The following SDS variants were observed in gnomAD, a reference collection of about 807,000 sequenced individuals.
SDS encodes serine dehydratase.
SDS carries 19 observed loss-of-function variants against 29.3 expected under a neutral mutation model. That is an observed-to-expected ratio of 0.65 (90% CI 0.45 to 0.95). The LOEUF (loss-of-function observed/expected upper bound fraction) is 0.95. SDS is among the 40% of genes least tolerant of loss of function. The pLI is 0.00. For missense variants in SDS, 375 were observed against 439.9 expected, an observed-to-expected ratio of 0.85 and a Z score of 1.32; for synonymous variants, 176 against 189.0, an observed-to-expected ratio of 0.93 and a Z score of 0.56.
At chr12:113,397,852 C>T (rs1049585821) in intron 5 of SDS, among the ~76,000 whole-genome samples, 3 of 152,182 alleles carry the variant, frequency 2.0e-5, no homozygotes, top group Non-Finnish European at 4.4e-5. Context: ...TACTTCCCCA[C>T]TCCCCCACTG....
Position 113,397,351 on chromosome 12 carries a change from AGT to A in SDS, c.465_466del (p.Leu156ValfsTer88), listed in dbSNP as rs1453695575. ...CGCGATGGCCCCCGGCTTTTCCCAC[AGT>A]GTCTCCTTCAGCTCTTTCACGATGG... is the stretch of plus-strand genomic sequence containing the variant. On this transcript the variant is annotated frameshift_variant, in exon 6 of 8. Transcript: ENST00000257549. LOFTEE classifies it high-confidence loss of function. 1 of 1,613,230 alleles carries A rather than the reference AGT, an allele frequency of 6.2e-7. No individual in the cohort carries two copies. Among genetic ancestry groups the A allele is most frequent in the East Asian group, 2.2e-5 (1 of 44,882 alleles).
intron 1 of SDS, among the ~76,000 whole-genome samples, chr12:113,403,130 G>GT (rs1957694669): frequency 6.6e-6 from 1 of 151,942 alleles, no homozygotes; most frequent in South Asian, 2.1e-4. Flanking sequence ...CCAAATGGCT[G>GT]TTTTTTAAAA....
chr12:113,401,409 T>C (rs1565870830), intron 1 of SDS, among the ~76,000 whole-genome samples: 1 of 151,986 alleles, frequency 6.6e-6, no homozygotes, highest in Non-Finnish European at 1.5e-5. Flanking sequence ...ATTCATTCAT[T>C]CCAGTAGAGA....
Position 113,394,040 on chromosome 12 carries a change from G to A in SDS, c.654-24C>T, listed in dbSNP as rs1488400618. On this transcript the variant is annotated intron_variant, in intron 6 of 7. Transcript: ENST00000257549. ...CACTGAGAGAAGTGGGAACCCAGAA[G>A]AGGATGGGAGTGGGGGAAACAGGAG... 3.7e-6 allele frequency: 6 copies of A among 1,613,202 alleles called. No individual in the cohort carries two copies. The Admixed American group carries it at 5.0e-5, about 13-fold the overall frequency.
intron 6 of SDS, among the ~76,000 whole-genome samples, chr12:113,394,956 C>T (rs1396882324): frequency 2.0e-5 from 3 of 152,204 alleles, no homozygotes. Context: ...CTGCTAGTAA[C>T]AAGCGCCCTG....
chr12:113,402,898 G>A (rs746841946), intron 1 of SDS, among the ~76,000 whole-genome samples: 4 of 152,198 alleles, frequency 2.6e-5, no homozygotes, highest in South Asian at 2.1e-4. Flanking sequence ...CCCTGAAGCC[G>A]CTGTCTGCCC....
chr12:113,395,274 C>T (rs1383835640), intron 6 of SDS, among the ~76,000 whole-genome samples: 2 of 152,186 alleles, frequency 1.3e-5, no homozygotes, highest in African/African-American at 2.4e-5. Flanking sequence ...ATCTTGAGGG[C>T]CTGAGCCACC....
chr12:113,403,291 T>G (rs1330533071), intron 1 of SDS, among the ~76,000 whole-genome samples: 2 of 152,026 alleles, frequency 1.3e-5, no homozygotes, highest in Non-Finnish European at 2.9e-5. Context: ...CACACTATAC[T>G]AATTAAATTC....
intron 1 of SDS, among the ~76,000 whole-genome samples, chr12:113,402,633 C>T (rs1957690948): frequency 1.3e-5 from 2 of 152,256 alleles, no homozygotes; most frequent in East Asian, 1.9e-4. Flanking sequence ...AAGGCCTGGC[C>T]TCAGGGACAA....
intron 1 of SDS, among the ~76,000 whole-genome samples, chr12:113,401,072 C>G (rs906738374): frequency 3.3e-5 from 5 of 152,030 alleles, no homozygotes; most frequent in African/African-American, 1.2e-4. Flanking sequence ...CGAGATCGCG[C>G]CACTGCACTC....
intron 5 of SDS, 142 bp from the exon 6 acceptor site, chr12:113,397,534 C>A: frequency 1.5e-6 from 1 of 686,624 alleles, no homozygotes; most frequent in South Asian, 1.9e-5. Context: ...TAGCTGCCAG[C>A]ATCTGTGTCT....
At chr12:113,400,081 C>T (rs1957674743) in intron 1 of SDS, among the ~76,000 whole-genome samples, 2 of 152,198 alleles carry the variant, frequency 1.3e-5, no homozygotes, top group Admixed American at 1.3e-4. Flanking sequence ...ATCACAAGGT[C>T]AGAAGTTCGA....
At position 113,398,499 on chromosome 12, in the gene SDS, C is replaced by T; in HGVS notation, c.425+16G>A. On this transcript the variant is annotated intron_variant, in intron 5 of 7. Transcript: ENST00000257549. ...GTGGCTGCCACCCCCACCAAGTGACCTTGAACTCCACATACCAGATGAGGG... is the reference window on the plus strand; with the variant it reads ...GTGGCTGCCACCCCCACCAAGTGACTTTGAACTCCACATACCAGATGAGGG... The T allele has an allele frequency of 6.4e-7, 1 of 1,563,454 alleles. No individual in the cohort carries two copies. Among genetic ancestry groups the T allele is most frequent in the South Asian group, 1.2e-5 (1 of 86,264 alleles).
chr12:113,402,841 C>G (rs904752111), intron 1 of SDS, among the ~76,000 whole-genome samples: 1 of 152,174 alleles, frequency 6.6e-6, no homozygotes, highest in Non-Finnish European at 1.5e-5. Flanking sequence ...CCCCAAGGAT[C>G]GCAAGACTTC....
chr12:113,398,337 C>T (rs1026662836), intron 5 of SDS, among the ~76,000 whole-genome samples, 178 bp downstream of exon 5: 2 of 152,198 alleles, frequency 1.3e-5, no homozygotes, highest in African/African-American at 4.8e-5. Context: ...TCCCAAAGTG[C>T]TGGGATTACA....
chr12:113,401,210 G>A (rs551514995), intron 1 of SDS, among the ~76,000 whole-genome samples: 2 of 152,054 alleles, frequency 1.3e-5, no homozygotes, highest in East Asian at 1.9e-4. Flanking sequence ...CCAGGACCCA[G>A]CAAAATGCCT....
chr12:113,399,282 C>T (rs1957669297), intron 2 of SDS, 131 bp from the exon 3 acceptor site: 3 of 1,053,980 alleles, frequency 2.8e-6, no homozygotes, highest in Non-Finnish European at 4.3e-6. Flanking sequence ...TTGTTCTACC[C>T]TTGTCTGAGA....
At chr12:113,394,559 C>T (rs1957633797) in intron 6 of SDS, among the ~76,000 whole-genome samples, 1 of 151,930 alleles carries the variant, frequency 6.6e-6, no homozygotes, top group African/African-American at 2.4e-5. Flanking sequence ...AGGCTGGCCT[C>T]GAATTCCTGA....
chr12:113,392,595 CA>C lies in SDS; in HGVS notation c.*345del, dbSNP rs1565868236. On this transcript the variant is annotated 3_prime_UTR_variant, in exon 8 of 8. Transcript: ENST00000257549. ...TGTTGACCTTCACTGGGAACAAGTT[CA>C]GGGGCGAGGTCACAGCTTTGAGGAA... is the stretch of plus-strand genomic sequence containing the variant. 3.5e-6 allele frequency: 1 copy of C among 288,270 alleles called. No individual in the cohort carries two copies. The highest frequency in any genetic ancestry group is 6.5e-6 in the Non-Finnish European group (1 of 154,010). The allele number at this position is 288,270 out of a possible 1,614,324, so 17.9% of individuals were successfully genotyped here.
Sources: allele counts gnomAD v4.1 joint callset (sites outside exome capture counted in the v4.1 genomes callset), GRCh38; gene constraint gnomAD v4.1.1; transcripts MANE v1.5; gene names NCBI Gene and HGNC (gene_info 2026-07-23, HGNC 2026-07-21).